Variants in DPP6 observed in about 807,000 individuals in gnomAD.
The protein encoded by DPP6 is dipeptidyl peptidase like 6, also known as A-type potassium channel modulatory protein DPP6.
Under a neutral mutation model 122.6 loss-of-function variants are expected in DPP6, and 69 were observed. That is an observed-to-expected ratio of 0.56 (90% confidence interval 0.46 to 0.69). DPP6 has a LOEUF of 0.69. Ranked by LOEUF, DPP6 falls within the 30% of genes least tolerant of loss-of-function variation. The probability of loss-of-function intolerance (pLI) is 0.00; values close to 1 mark genes in which losing one functional copy is unlikely to be tolerated. For missense variants in DPP6, 928 were observed against 1,116.9 expected (o/e 0.83, Z 2.41); for synonymous variants, 418 against 433.1 (o/e 0.97, Z 0.43).
chr7:154,312,155 A>G (rs568224258), intron 1 of DPP6, among the ~76,000 whole-genome samples: 1 of 152,290 alleles, frequency 6.6e-6, no homozygotes, highest in East Asian at 1.9e-4. Context: ...TTCTGTGTTC[A>G]CATTAGAGCT....
chr7:154,850,036 TA>T (rs1023484643), intron 16 of DPP6, among the ~76,000 whole-genome samples: 3 of 152,210 alleles, frequency 2.0e-5, no homozygotes, highest in African/African-American at 4.8e-5. Flanking sequence ...TGATCCTTTT[TA>T]AAAAAATTGT....
At chr7:154,520,970 G>A (rs188811127) in intron 3 of DPP6, among the ~76,000 whole-genome samples, 252 of 152,162 alleles carry the variant, frequency 1.7e-3, no homozygotes, top group East Asian at 8.9e-3. Context: ...ATCTTCTGGC[G>A]GCCCATTTCA....
At chr7:154,052,196 G>A (rs1166570373), upstream of DPP6, among the ~76,000 whole-genome samples, 1 of 151,494 alleles carries the variant, frequency 6.6e-6, no homozygotes, top group Non-Finnish European at 1.5e-5. This position sits in a 1 kb window ranked among gnomAD's most constrained non-coding sequence, Gnocchi z 4.8. Context: ...CCCACGACCC[G>A]CGTGGTCCCA....
intron 1 of DPP6, among the ~76,000 whole-genome samples, chr7:154,104,148 C>G (rs754921197): frequency 6.6e-6 from 1 of 152,234 alleles, no homozygotes; most frequent in African/African-American, 2.4e-5. Context: ...TTCTACGTGG[C>G]CTCACGGAAC....
At chr7:154,627,653 G>A (rs1183947540) in intron 5 of DPP6, among the ~76,000 whole-genome samples, 1 of 152,188 alleles carries the variant, frequency 6.6e-6, no homozygotes, top group Non-Finnish European at 1.5e-5. Flanking sequence ...ACTTCTCTAG[G>A]GAGGACTGAT....
At chr7:154,487,696 C>T (rs1823917124) in intron 3 of DPP6, among the ~76,000 whole-genome samples, 3 of 152,202 alleles carry the variant, frequency 2.0e-5, no homozygotes, top group African/African-American at 2.4e-5. Context: ...TCCTTCAACA[C>T]GATGATATTC....
chr7:154,671,652 T>TGC (rs755038234), intron 7 of DPP6, among the ~76,000 whole-genome samples: 37 of 152,190 alleles, frequency 2.4e-4, no homozygotes, highest in Admixed American at 8.5e-4. Flanking sequence ...TGTGTGTGTG[T>TGC]GCGTGTGCAT....
chr7:153,826,437 A>G, the DPP6 span, among the ~76,000 whole-genome samples: 2 of 152,170 alleles, frequency 1.3e-5, no homozygotes, highest in Admixed American at 6.5e-5. Context: ...TTGTCATTGT[A>G]TCCATTGAAG....
the DPP6 span, among the ~76,000 whole-genome samples, chr7:153,810,351 T>A: frequency 1.3e-5 from 2 of 152,240 alleles, no homozygotes; most frequent in East Asian, 3.9e-4. Flanking sequence ...AACCATGAAG[T>A]TTTTAATAAA....
chr7:154,698,040 C>A (rs1348209460), intron 7 of DPP6, among the ~76,000 whole-genome samples: 7 of 151,952 alleles, frequency 4.6e-5, no homozygotes, highest in Non-Finnish European at 8.8e-5. Flanking sequence ...GAAAAAAAGC[C>A]TTTTTAAAAT....
At chr7:154,761,992 G>A (rs1339045096) in intron 8 of DPP6, among the ~76,000 whole-genome samples, 1 of 152,120 alleles carries the variant, frequency 6.6e-6, no homozygotes, top group Admixed American at 6.5e-5. Context: ...ATGGTTTCCA[G>A]CTTCATCCAT....
At chr7:154,365,368 A>G (rs1812065460) in intron 1 of DPP6, among the ~76,000 whole-genome samples, 1 of 152,242 alleles carries the variant, frequency 6.6e-6, no homozygotes, top group Admixed American at 6.5e-5. Context: ...CATAAAATCC[A>G]CAGGACAAGG....
At chr7:154,187,539 A>G (rs774606585) in intron 1 of DPP6, among the ~76,000 whole-genome samples, 5 of 152,228 alleles carry the variant, frequency 3.3e-5, no homozygotes, top group Non-Finnish European at 5.9e-5. Context: ...TACAACAGCA[A>G]GAAAAATAGG....
rs1457229661 is a variant in DPP6 at position 154,727,811 on chromosome 7, G to A, written c.807G>A (p.Gly269=). 1 of 1,613,798 alleles carries A rather than the reference G, an allele frequency of 6.2e-7. No homozygotes were observed. The highest frequency in any genetic ancestry group is 2.2e-5 in the East Asian group (1 of 44,874). The change falls in exon 8 of 26, where the codon GGG becomes GGA. Residue 269 remains glycine (G), a synonymous_variant. Coordinates refer to ENST00000377770, the MANE Select transcript of DPP6 (RefSeq NM_130797.4). ...ENNIYYCAHV[G]KQAIRVVSTG... is the part of the protein sequence containing the mutation. ...ATATCTACTACTGTGCACATGTCGG[G>A]AAACAGGCCATCCGTGTGGTCTCCA... is the stretch of plus-strand genomic sequence containing the variant.
intron 8 of DPP6, among the ~76,000 whole-genome samples, chr7:154,764,486 T>G (rs1395337570): frequency 6.6e-6 from 1 of 152,054 alleles, no homozygotes; most frequent in Non-Finnish European, 1.5e-5. Context: ...ACACCCAACC[T>G]CACATCTGGG....
chr7:154,101,275 A>G (rs1192741149), intron 1 of DPP6, among the ~76,000 whole-genome samples: 3 of 134,184 alleles, frequency 2.2e-5, no homozygotes, highest in Non-Finnish European at 5.1e-5. Flanking sequence ...GCAGTCTGAA[A>G]GACCTCGAAG....
intron 3 of DPP6, among the ~76,000 whole-genome samples, chr7:154,477,062 G>A (rs56192828): frequency 0.35 from 53,835 of 151,680 alleles, 10,109 homozygotes; most frequent in African/African-American, 0.46. Flanking sequence ...CTGGGTGACA[G>A]AGCGAGACCC....
At chr7:154,202,699 C>T (rs965161901) in intron 1 of DPP6, among the ~76,000 whole-genome samples, 5 of 152,140 alleles carry the variant, frequency 3.3e-5, no homozygotes, top group Non-Finnish European at 5.9e-5. Context: ...GCCACTGGGC[C>T]CTGTTAGTTC....
chr7:153,866,859 T>C, the DPP6 span, among the ~76,000 whole-genome samples: 3 of 152,186 alleles, frequency 2.0e-5, no homozygotes, highest in Admixed American at 6.5e-5. Context: ...GTTTCAGCTT[T>C]CTACATATGG....
Sources: allele counts gnomAD v4.1 joint callset (sites outside exome capture counted in the v4.1 genomes callset), GRCh38; gene constraint gnomAD v4.1.1; non-coding constraint Gnocchi (gnomAD v3.1); transcripts MANE v1.5; gene names NCBI Gene and HGNC (gene_info 2026-07-23, HGNC 2026-07-21).